The following PRICKLE1 variants were observed in gnomAD, a reference collection of about 807,000 sequenced individuals.
PRICKLE1 encodes the protein prickle planar cell polarity protein 1.
Under a neutral mutation model 70.2 loss-of-function variants are expected in PRICKLE1, and 14 were observed. The observed-to-expected ratio is 0.20, with a 90% CI of 0.13 to 0.31. PRICKLE1 has a LOEUF of 0.31. PRICKLE1 is among the 10% of genes least tolerant of loss of function. The pLI is 1.00. For missense variants in PRICKLE1, 821 were observed against 1,026.2 expected, an observed-to-expected ratio of 0.80 and a Z score of 2.73; for synonymous variants, 357 against 379.9, an observed-to-expected ratio of 0.94 and a Z score of 0.70.
chr12:42,580,735 T>C (rs768822450), intron 1 of PRICKLE1, among the ~76,000 whole-genome samples: 3 of 152,232 alleles, frequency 2.0e-5, no homozygotes, highest in Non-Finnish European at 4.4e-5. Context: ...CATGGCTCCT[T>C]GTGATTAGCA....
At chr12:42,507,906 T>A (rs144700660) in intron 1 of PRICKLE1, among the ~76,000 whole-genome samples, 21 of 152,332 alleles carry the variant, frequency 1.4e-4, no homozygotes, top group African/African-American at 4.8e-4. Flanking sequence ...ATACACAGTA[T>A]AAGATTATAG....
chr12:42,493,795 C>T (rs1457012312), intron 1 of PRICKLE1, among the ~76,000 whole-genome samples: 1 of 150,684 alleles, frequency 6.6e-6, no homozygotes, highest in Non-Finnish European at 1.5e-5. Flanking sequence ...GAGTTGGAGG[C>T]TACTGGGAGC....
chr12:42,562,837 G>A (rs1174239743), intron 1 of PRICKLE1, among the ~76,000 whole-genome samples: 1 of 152,134 alleles, frequency 6.6e-6, no homozygotes, highest in Non-Finnish European at 1.5e-5. Flanking sequence ...GAAACACTGG[G>A]CAGTAATAAA....
chr12:42,484,458 G>C (rs984694540), intron 1 of PRICKLE1: 1 of 152,178 alleles, frequency 6.6e-6, no homozygotes, highest in Non-Finnish European at 1.5e-5. Context: ...AATGATGTCA[G>C]CAAATGGCAC....
At chr12:42,510,165 G>A (rs898326732) in intron 1 of PRICKLE1, among the ~76,000 whole-genome samples, 3 of 151,906 alleles carry the variant, frequency 2.0e-5, no homozygotes, top group African/African-American at 4.8e-5. Context: ...CGCCATCTCT[G>A]CTCACTGCAA....
intron 1 of PRICKLE1, among the ~76,000 whole-genome samples, chr12:42,558,563 C>T (rs1179728070): frequency 1.3e-5 from 2 of 152,200 alleles, no homozygotes; most frequent in South Asian, 4.1e-4. Context: ...TTGCCTGGGT[C>T]CCCCAGCTGG....
intron 1 of PRICKLE1, among the ~76,000 whole-genome samples, chr12:42,479,036 G>A (rs1938688538): frequency 6.6e-6 from 1 of 152,152 alleles, no homozygotes; most frequent in African/African-American, 2.4e-5. Context: ...CAAACATCTT[G>A]AGACCTGATT....
chr12:42,540,596 C>T (rs1351600831), intron 1 of PRICKLE1, among the ~76,000 whole-genome samples: 1 of 152,034 alleles, frequency 6.6e-6, no homozygotes, highest in Non-Finnish European at 1.5e-5. Context: ...GAGTTTTGCT[C>T]TTGTTGCCCA....
At chr12:42,472,830 C>G (rs1938379159) in intron 1 of PRICKLE1, among the ~76,000 whole-genome samples, 2 of 152,140 alleles carry the variant, frequency 1.3e-5, no homozygotes, top group African/African-American at 4.8e-5. Flanking sequence ...TTAAAAGGTG[C>G]CTCTCTACAG....
At chr12:42,462,302 G>A (rs1484188358) in intron 7 of PRICKLE1, among the ~76,000 whole-genome samples, 2 of 151,882 alleles carry the variant, frequency 1.3e-5, no homozygotes, top group African/African-American at 2.4e-5. Context: ...CCAGGTTCAA[G>A]TGATTCTCCT....
chr12:42,532,505 T>C (rs1304750059), intron 1 of PRICKLE1, among the ~76,000 whole-genome samples: 3 of 152,356 alleles, frequency 2.0e-5, no homozygotes, highest in African/African-American at 4.8e-5. Flanking sequence ...GTGAAATTAA[T>C]TTCGTTAATA....
chr12:42,488,708 C>T (rs1342066906), intron 1 of PRICKLE1, among the ~76,000 whole-genome samples: 4 of 151,964 alleles, frequency 2.6e-5, no homozygotes, highest in African/African-American at 9.7e-5. Flanking sequence ...AATTGCAAAC[C>T]CCAGTATACA....
Position 42,472,460 on chromosome 12 carries a change from ACT to A in PRICKLE1, c.55_56del (p.Ser19PhefsTer5). 1 of 1,614,142 alleles carries A rather than the reference ACT, an allele frequency of 6.2e-7. No individual in the cohort carries two copies. Among genetic ancestry groups the A allele is most frequent in the Non-Finnish European group, 8.5e-7 (1 of 1,180,026 alleles). Reference protein sequence around the residue: ...MSKLAFGCQRSSTSDDDSGCA... With the variant: ...MSKLAFGCQRXSTSDDDSGCA... The stretch of plus-strand genomic sequence containing the variant: ...AGCCAGAGTCATCATCTGATGTGGA[ACT>A]TCTCTGACAGCCAAAGGCCAGTTTG... On this transcript the variant is annotated frameshift_variant, in exon 2 of 8. Transcript: ENST00000345127. LOFTEE classifies it high-confidence loss of function.
rs889800776 is a variant in PRICKLE1 at position 42,457,413 on chromosome 12, A to G, written c.*2396T>C. ...AACAGTCTTTTCTAAAAGGATGCCCACTTGTGGCAGCACAGGTTCTGAAAA... is the reference window on the plus strand; with the variant it reads ...AACAGTCTTTTCTAAAAGGATGCCCGCTTGTGGCAGCACAGGTTCTGAAAA... On this transcript the variant is annotated 3_prime_UTR_variant, in exon 8 of 8. Coordinates refer to ENST00000345127, the MANE Select transcript of PRICKLE1 (RefSeq NM_153026.3). 6.6e-6 allele frequency: 1 copy of G among 152,200 alleles called. No homozygotes were observed. The highest frequency in any genetic ancestry group is 6.5e-5 in the Admixed American group (1 of 15,284). The allele number at this position is 152,200 out of a possible 1,614,324, so 9.4% of individuals were successfully genotyped here. A position where few individuals can be genotyped will look rare whatever the true frequency, so the allele number is the denominator to read the frequency against.
At chr12:42,508,854 C>A (rs1360824612) in intron 1 of PRICKLE1, among the ~76,000 whole-genome samples, 4 of 152,048 alleles carry the variant, frequency 2.6e-5, no homozygotes, top group Non-Finnish European at 5.9e-5. Flanking sequence ...GACCTTTACC[C>A]TGGGGACCTC....
intron 5 of PRICKLE1, among the ~76,000 whole-genome samples, chr12:42,468,161 C>T (rs1288084998): frequency 1.3e-5 from 2 of 152,176 alleles, no homozygotes; most frequent in African/African-American, 4.8e-5. Flanking sequence ...AAAAATTTTT[C>T]CTTTCAAGCC....
At chr12:42,566,960 A>G (rs1450664770) in intron 1 of PRICKLE1, among the ~76,000 whole-genome samples, 1 of 152,236 alleles carries the variant, frequency 6.6e-6, no homozygotes, top group Non-Finnish European at 1.5e-5. Flanking sequence ...TTCAGGGTGC[A>G]GAAAATAAAA....
chr12:42,517,267 T>C (rs1939626597), intron 1 of PRICKLE1, among the ~76,000 whole-genome samples: 1 of 151,498 alleles, frequency 6.6e-6, no homozygotes, highest in South Asian at 2.1e-4. Context: ...AATGAAATTT[T>C]GCAAGGGGAC....
chr12:42,582,454 T>C (rs192438690), intron 1 of PRICKLE1, among the ~76,000 whole-genome samples: 22 of 152,388 alleles, frequency 1.4e-4, no homozygotes, highest in African/African-American at 4.8e-4. Flanking sequence ...GATTCTCTAA[T>C]GCGCTTCAGA....
Sources: allele counts gnomAD v4.1 joint callset (sites outside exome capture counted in the v4.1 genomes callset), GRCh38; gene constraint gnomAD v4.1.1; transcripts MANE v1.5; gene names NCBI Gene and HGNC (gene_info 2026-07-23, HGNC 2026-07-21).